The following SMURF1 variants were observed in gnomAD, a reference collection of about 807,000 sequenced individuals.
The protein encoded by SMURF1 is SMAD specific E3 ubiquitin protein ligase 1, also known as E3 ubiquitin-protein ligase SMURF1.
In SMURF1, 44 loss-of-function variants were observed where a neutral mutation model predicts 98.0. The observed-to-expected ratio is 0.45, with a 90% CI of 0.35 to 0.58. The LOEUF (loss-of-function observed/expected upper bound fraction) is 0.58, where lower values mean the gene tolerates loss of function less well. SMURF1 is among the 20% of genes least tolerant of loss of function. SMURF1 has a pLI of 0.00. For synonymous variants in SMURF1, 396 were observed against 374.9 expected, an observed-to-expected ratio of 1.06 and a Z score of -0.65; for missense variants, 687 against 938.4, an observed-to-expected ratio of 0.73 and a Z score of 3.50.
chr7:99,133,355 T>A (rs1398918627), intron 1 of SMURF1, among the ~76,000 whole-genome samples: 1 of 150,442 alleles, frequency 6.6e-6, no homozygotes, highest in East Asian at 2.0e-4. Flanking sequence ...TTCTCTCCCA[T>A]CTCCTGTGAA....
intron 1 of SMURF1, among the ~76,000 whole-genome samples, chr7:99,094,368 A>G (rs1796896411): frequency 6.6e-6 from 1 of 152,252 alleles, no homozygotes; most frequent in South Asian, 2.1e-4. Context: ...GTAATTTTAA[A>G]TAACTCCACA....
At chr7:99,110,544 G>C (rs1271397981) in intron 1 of SMURF1, among the ~76,000 whole-genome samples, 1 of 152,206 alleles carries the variant, frequency 6.6e-6, no homozygotes, top group Non-Finnish European at 1.5e-5. Flanking sequence ...ACAATAAGAT[G>C]CCATCTCTCA....
chr7:99,044,182 C>T (rs911667125), intron 11 of SMURF1, among the ~76,000 whole-genome samples: 4 of 152,018 alleles, frequency 2.6e-5, no homozygotes, highest in East Asian at 1.9e-4. Context: ...CATGGTGACT[C>T]GCACCTGTAA....
At chr7:99,050,973 C>G in intron 8 of SMURF1, 4 of 1,551,374 alleles carry the variant, frequency 2.6e-6, no homozygotes, top group African/African-American at 1.4e-5. Context: ...GCATCTCCCC[C>G]AGGAATGGTC....
intron 12 of SMURF1, among the ~76,000 whole-genome samples, chr7:99,040,901 C>T (rs544668307): frequency 1.1e-4 from 16 of 152,234 alleles, no homozygotes; most frequent in African/African-American, 3.4e-4. Context: ...TGCAGGGCCT[C>T]GGCACCATGC....
intron 1 of SMURF1, among the ~76,000 whole-genome samples, chr7:99,082,081 T>G (rs1225077085): frequency 6.6e-6 from 1 of 152,262 alleles, no homozygotes; most frequent in Non-Finnish European, 1.5e-5. Context: ...GTTGGTAGCC[T>G]TCTTTGGAGA....
chr7:99,102,875 G>A (rs1797118355), intron 1 of SMURF1, among the ~76,000 whole-genome samples: 1 of 152,004 alleles, frequency 6.6e-6, no homozygotes, highest in African/African-American at 2.4e-5. Context: ...CACCCAGGCT[G>A]GAGTACAGCA....
At chr7:99,037,030 G>A (rs780215609) in intron 15 of SMURF1, 37 bp downstream of exon 15, 2 of 1,612,332 alleles carry the variant, frequency 1.2e-6, no homozygotes, top group Non-Finnish European at 1.7e-6. Flanking sequence ...CCAGCCACAG[G>A]GACGCCCTGG....
At chr7:99,108,509 G>A (rs1320038855) in intron 1 of SMURF1, among the ~76,000 whole-genome samples, 1 of 149,874 alleles carries the variant, frequency 6.7e-6, no homozygotes, top group African/African-American at 2.5e-5. Context: ...CTACTGGGGA[G>A]GCTGAGGCAG....
In SMURF1 at chr7:99,038,291, G is replaced by C. The variant is rs1041558157; in HGVS notation, c.1688+97C>G. ...ATCTGATCATAAGCACCAGCCATCA[G>C]GGACATGCAGGCCTCACACAGCGAA... On this transcript the variant is annotated intron_variant, in intron 14 of 17. Transcript: ENST00000361368. The C allele has an allele frequency of 1.4e-5, 19 of 1,405,184 alleles. 1 individual carries two copies. The highest frequency in any genetic ancestry group is 3.9e-5 in the Admixed American group (2 of 51,868). 87.0% of individuals were successfully genotyped at this position (1,405,184 alleles called of 1,614,324 possible). A position where few individuals can be genotyped will look rare whatever the true frequency, so the allele number is the denominator to read the frequency against.
intron 1 of SMURF1, among the ~76,000 whole-genome samples, chr7:99,072,747 A>G (rs1796357025): frequency 6.6e-6 from 1 of 152,242 alleles, no homozygotes; most frequent in African/African-American, 2.4e-5. Context: ...AAATACACAC[A>G]ATCTTCTAAA....
chr7:99,053,381 T>A (rs1795807318), intron 6 of SMURF1, among the ~76,000 whole-genome samples: 1 of 152,094 alleles, frequency 6.6e-6, no homozygotes, highest in Non-Finnish European at 1.5e-5. Flanking sequence ...ACCCCAACAT[T>A]TTATGACTTC....
chr7:99,063,238 T>TATATATATATATATATATATATATATG (rs1491463254), intron 1 of SMURF1, among the ~76,000 whole-genome samples: 2 of 5,050 alleles, frequency 4.0e-4, no homozygotes, highest in Non-Finnish European at 2.8e-3. Flanking sequence ...ATATAAGATT[T>TATATATATATATATATATATATATATG]ATTTATATAT....
intron 1 of SMURF1, among the ~76,000 whole-genome samples, chr7:99,076,042 T>C (rs1012882664): frequency 6.6e-6 from 1 of 152,088 alleles, no homozygotes; most frequent in Admixed American, 6.6e-5. Flanking sequence ...CTTCTTCATG[T>C]GTCCTGCAGG....
chr7:99,065,008 G>A (rs1796152886), intron 1 of SMURF1, among the ~76,000 whole-genome samples: 1 of 151,940 alleles, frequency 6.6e-6, no homozygotes, highest in South Asian at 2.1e-4. Flanking sequence ...AGTAAATGAG[G>A]AAAATTTTTA....
At chr7:99,060,805 A>C in intron 2 of SMURF1, 98 bp from the exon 3 acceptor site, 4 of 754,858 alleles carry the variant, frequency 5.3e-6, no homozygotes, top group Non-Finnish European at 8.5e-6. Flanking sequence ...GGATAATTTC[A>C]ATCAGCAAAA....
At chr7:99,046,587 C>T (rs1795585560) in intron 10 of SMURF1, among the ~76,000 whole-genome samples, 1 of 151,860 alleles carries the variant, frequency 6.6e-6, no homozygotes, top group African/African-American at 2.4e-5. Flanking sequence ...AAAAAATTAG[C>T]TGGGCCTGGT....
At chr7:99,043,107 G>C (rs551201237) in intron 11 of SMURF1, among the ~76,000 whole-genome samples, 1 of 152,124 alleles carries the variant, frequency 6.6e-6, no homozygotes, top group Non-Finnish European at 1.5e-5. Context: ...AAAAGACAAA[G>C]ACCTCCAGTT....
chr7:99,078,505 C>T (rs989817778), intron 1 of SMURF1, among the ~76,000 whole-genome samples: 10 of 152,158 alleles, frequency 6.6e-5, no homozygotes, highest in African/African-American at 2.4e-4. Flanking sequence ...CCTCAACCCC[C>T]CCTCCCCTGC....
Sources: gnomAD v4.1 joint callset for allele counts (sites outside exome capture counted in the v4.1 genomes callset) on GRCh38, gnomAD v4.1.1 for gene constraint, MANE v1.5 for transcripts, NCBI Gene and HGNC (gene_info 2026-07-23, HGNC 2026-07-21) for gene names.